NUBPL: variants seen among roughly 807,000 people sequenced by gnomAD.
The protein encoded by NUBPL is NUBP iron-sulfur cluster assembly factor, mitochondrial.
In NUBPL, 31 loss-of-function variants were observed where a neutral mutation model predicts 45.7. That is an observed-to-expected ratio of 0.68 (90% CI 0.51 to 0.92). The LOEUF is 0.92. Ranked by LOEUF, NUBPL falls within the 40% of genes least tolerant of loss-of-function variation. NUBPL has a pLI of 0.00. For synonymous variants in NUBPL, 144 were observed against 140.9 expected (o/e 1.02, Z -0.15); for missense variants, 401 against 398.7 (o/e 1.01, Z -0.05).
In NUBPL at chr14:31,622,297, T is replaced by A. The variant is rs2035084019; in HGVS notation, c.382+22918T>A. Among the ~76,000 whole-genome samples the A allele has an allele frequency of 2.0e-5, 3 of 151,974 alleles. No homozygotes were observed. In the South Asian group the frequency reaches 6.2e-4, roughly 32 times the overall value. On this transcript the variant is annotated intron_variant, in intron 4 of 10. Transcript: ENST00000281081. ...AGATGGTCTGAAATTTGAACTTAGT[T>A]TAAAGGGAAGCAGAGCATAAAAGTT...
chr14:31,837,407 A>G (rs1221576254), intron 8 of NUBPL, among the ~76,000 whole-genome samples: 13 of 152,232 alleles, frequency 8.5e-5, no homozygotes. Flanking sequence ...TTAAAAGATT[A>G]GGTAGGAGAA....
intron 8 of NUBPL, chr14:31,845,803 G>A (rs77915736): frequency 0.1 from 15,546 of 152,878 alleles, 984 homozygotes; most frequent in Non-Finnish European, 0.14. Context: ...GTGAGACTTC[G>A]TCCAAAGTTA....
chr14:31,814,732 T>C (rs1173307524), intron 7 of NUBPL, among the ~76,000 whole-genome samples: 1 of 152,118 alleles, frequency 6.6e-6, no homozygotes, highest in Non-Finnish European at 1.5e-5. Context: ...AAGGTAGGGG[T>C]CCAGTTTCAG....
chr14:31,745,250 GTCCAAATGTTCTCATTGTTCA>G (rs1359870095), intron 6 of NUBPL, among the ~76,000 whole-genome samples: 1 of 151,770 alleles, frequency 6.6e-6, no homozygotes, highest in Non-Finnish European at 1.5e-5. Context: ...CCCTTCCTGT[GTCCAAATGTTCTCATTGTTCA>G]ATTCCCACCT....
intron 4 of NUBPL, among the ~76,000 whole-genome samples, chr14:31,623,484 A>C (rs36092827): frequency 0.52 from 78,867 of 152,070 alleles, 22,400 homozygotes; most frequent in Non-Finnish European, 0.63. Flanking sequence ...CCCAGATCTC[A>C]TGTTGAATTG....
At chr14:31,845,094 T>G (rs1193709642) in intron 8 of NUBPL, 1 of 152,170 alleles carries the variant, frequency 6.6e-6, no homozygotes, top group African/African-American at 2.4e-5. Context: ...CATCAGCCAT[T>G]CCGGTACTTG....
At chr14:31,694,146 T>C (rs773995506) in intron 6 of NUBPL, among the ~76,000 whole-genome samples, 1 of 151,980 alleles carries the variant, frequency 6.6e-6, no homozygotes, top group Non-Finnish European at 1.5e-5. Flanking sequence ...TGAGCCACCG[T>C]GCCTGGCCAA....
chr14:31,848,994 T>A (rs749071248), intron 9 of NUBPL, among the ~76,000 whole-genome samples: 1 of 152,200 alleles, frequency 6.6e-6, no homozygotes, highest in Non-Finnish European at 1.5e-5. Context: ...AGTCCGAAGT[T>A]GATCTAGAGA....
At chr14:31,729,275 T>TG (rs1555332372) in intron 6 of NUBPL, among the ~76,000 whole-genome samples, 1 of 55,600 alleles carries the variant, frequency 1.8e-5, no homozygotes, top group Non-Finnish European at 4.0e-5. Context: ...AGATGCTCCA[T>TG]CCCCCCCCCC....
At chr14:31,562,042 CTTT>C (rs1276699259) in intron 1 of NUBPL, 23 bp from the exon 2 acceptor site, 1 of 1,551,446 alleles carries the variant, frequency 6.4e-7, no homozygotes, top group East Asian at 2.4e-5. Flanking sequence ...TTTAAAACGG[CTTT>C]TTATTATTAT....
intron 3 of NUBPL, among the ~76,000 whole-genome samples, chr14:31,591,775 G>T (rs987399638): frequency 1.3e-5 from 2 of 152,076 alleles, no homozygotes; most frequent in African/African-American, 4.8e-5. Flanking sequence ...GTATGTTAAA[G>T]CTTATAAGAG....
chr14:31,686,049 A>T, intron 6 of NUBPL, among the ~76,000 whole-genome samples: 1 of 152,166 alleles, frequency 6.6e-6, no homozygotes, highest in East Asian at 1.9e-4. Flanking sequence ...CTTTCAGAGG[A>T]ATTAAAAAAA....
At chr14:31,703,800 GC>G (rs1555329937) in intron 6 of NUBPL, among the ~76,000 whole-genome samples, 1 of 152,170 alleles carries the variant, frequency 6.6e-6, no homozygotes, top group Non-Finnish European at 1.5e-5. Context: ...GGGCTCAATC[GC>G]CCAATACCTG....
intron 4 of NUBPL, among the ~76,000 whole-genome samples, chr14:31,604,035 TGCC>T (rs2034516410): frequency 6.6e-6 from 1 of 152,178 alleles, no homozygotes; most frequent in African/African-American, 2.4e-5. Flanking sequence ...GCTTGGTATA[TGCC>T]AACATAAACA....
chr14:31,775,847 A>G (rs2039089471), intron 6 of NUBPL, among the ~76,000 whole-genome samples: 1 of 152,190 alleles, frequency 6.6e-6, no homozygotes, highest in Non-Finnish European at 1.5e-5. Flanking sequence ...TAGGGTTACC[A>G]TGAAGCTAAT....
At chr14:31,621,270 C>A (rs1383271180) in intron 4 of NUBPL, among the ~76,000 whole-genome samples, 1 of 152,130 alleles carries the variant, frequency 6.6e-6, no homozygotes. Flanking sequence ...GGCTTCAGCC[C>A]CCTTTCCAGG....
chr14:31,808,544 T>A (rs917367501), intron 7 of NUBPL, among the ~76,000 whole-genome samples: 5 of 152,200 alleles, frequency 3.3e-5, no homozygotes, highest in Admixed American at 6.5e-5. Context: ...TTTCTAGATA[T>A]ACAATCATGT....
intron 4 of NUBPL, among the ~76,000 whole-genome samples, chr14:31,642,265 C>G (rs74690303): frequency 0.029 from 4,395 of 152,218 alleles, 84 homozygotes; most frequent in Non-Finnish European, 0.046. Flanking sequence ...CCCAGACTAA[C>G]GTTCTGGAGC....
At chr14:31,831,513 C>G (rs879298534) in intron 8 of NUBPL, among the ~76,000 whole-genome samples, 43 of 151,716 alleles carry the variant, frequency 2.8e-4, no homozygotes, top group African/African-American at 9.0e-4. Flanking sequence ...CATACCATAC[C>G]ATACTATACT....
Sources: allele counts gnomAD v4.1 joint callset (sites outside exome capture counted in the v4.1 genomes callset), GRCh38; gene constraint gnomAD v4.1.1; transcripts MANE v1.5; gene names NCBI Gene and HGNC (gene_info 2026-07-23, HGNC 2026-07-21).